The following DNAH9 variants were observed in gnomAD, a reference collection of about 807,000 sequenced individuals.
DNAH9 encodes DNAH9 variant protein.
A neutral mutation model predicts 471.6 loss-of-function variants in DNAH9; 345 were observed. That is an observed-to-expected ratio of 0.73 (90% CI 0.67 to 0.80). The LOEUF is 0.80. DNAH9 is among the 30% of genes least tolerant of loss of function. The pLI is 0.00. For missense variants in DNAH9, 5,407 were observed against 5,609.2 expected, an observed-to-expected ratio of 0.96 and a Z score of 1.15; for synonymous variants, 2,093 against 2,123.6, an observed-to-expected ratio of 0.99 and a Z score of 0.40.
intron 52 of DNAH9, 112 bp downstream of exon 52, chr17:11,871,898 A>C: frequency 2.6e-6 from 3 of 1,145,056 alleles, no homozygotes; most frequent in East Asian, 2.4e-5. Context: ...CATCCCCACC[A>C]CCCCCTGAGC....
Position 11,640,341 on chromosome 17 carries a change from C to T in DNAH9, c.1858C>T (p.Arg620Cys), listed in dbSNP as rs776574643. The T allele has an allele frequency of 9.3e-6, 15 of 1,613,664 alleles. No homozygotes were observed. Among genetic ancestry groups the T allele is most frequent in the Admixed American group, 3.3e-5 (2 of 59,976 alleles). The change falls in exon 10 of 69, where the codon CGC (arginine) becomes TGC (cysteine). Residue 620 changes from arginine (R) to cysteine (C), a missense_variant. Physicochemically the swap from Arg to Cys is radical, Grantham distance 180. Coordinates refer to ENST00000262442, the MANE Select transcript of DNAH9 (RefSeq NM_001372.4). Reference protein sequence around the residue: ...GLRWAQELRQRIQGPFSNFGR... With the variant: ...GLRWAQELRQCIQGPFSNFGR... ...CCGCTGGGCACAGGAGCTGAGGCAG[C>T]GCATCCAGGGTCCTTTCAGCAACTT...
intron 14 of DNAH9, among the ~76,000 whole-genome samples, chr17:11,663,044 C>A (rs1407934909): frequency 6.6e-6 from 1 of 152,150 alleles, no homozygotes; most frequent in South Asian, 2.1e-4. Flanking sequence ...CGTGAGCCAC[C>A]GCGCCCGGCC....
Position 11,929,874 on chromosome 17 carries a change from C to T in DNAH9, c.11886C>T (p.His3962=), listed in dbSNP as rs1212012768. 1.2e-6 allele frequency: 2 copies of T among 1,613,274 alleles called. No homozygotes were observed. Among genetic ancestry groups the T allele is most frequent in the Non-Finnish European group, 1.7e-6 (2 of 1,179,704 alleles). Residue 3962 remains histidine (H), a synonymous_variant, in exon 63 of 69, where the codon CAC becomes CAT. Transcript: ENST00000262442. ...TCCTTCCTTCCCACTAGAACATTCA[C>T]CTGGTGGCCAAGTGGCTCAGCACCC... The part of the protein sequence containing the change: ...KGHWVILQNI[H]LVAKWLSTLE...
chr17:11,956,789 G>A (rs903703554), intron 67 of DNAH9, among the ~76,000 whole-genome samples: 13 of 151,840 alleles, frequency 8.6e-5, no homozygotes, highest in African/African-American at 2.9e-4. Flanking sequence ...AGAACTTAGA[G>A]GGAAATGTAT....
intron 62 of DNAH9, among the ~76,000 whole-genome samples, chr17:11,928,245 A>G (rs2151033028): frequency 6.6e-6 from 1 of 152,256 alleles, no homozygotes; most frequent in East Asian, 1.9e-4. Context: ...TGCTGGGATT[A>G]CATATGTGAG....
chr17:11,669,502 C>T lies in DNAH9; in HGVS notation c.3061C>T (p.Arg1021Trp), dbSNP rs751958230. The T allele has an allele frequency of 2.0e-5, 33 of 1,613,894 alleles. No homozygotes were observed. The highest frequency in any genetic ancestry group is 1.5e-4 in the South Asian group (14 of 91,072). The change falls in exon 17 of 69, where the codon CGG becomes TGG. Residue 1021 changes from arginine to tryptophan, a missense_variant. By Grantham distance (101) the Arg-to-Trp change is moderately radical. Around this residue, in one of 3 missense-constraint regions of DNAH9, gnomAD observed 4,636 missense variants for 4,900.3 expected, o/e 0.95. Coordinates refer to ENST00000262442, the MANE Select transcript of DNAH9 (RefSeq NM_001372.4). ...SQYSYLYVED[R>W]KEVLGQFLLY... ...GTATTCGTACCTCTATGTGGAGGACCGGAAGGAGGTTCTGGGTCAGTTTCT... is the reference window on the plus strand; with the variant it reads ...GTATTCGTACCTCTATGTGGAGGACTGGAAGGAGGTTCTGGGTCAGTTTCT...
intron 38 of DNAH9, among the ~76,000 whole-genome samples, chr17:11,774,835 C>A (rs960798341): frequency 7.9e-5 from 12 of 151,702 alleles, no homozygotes. Context: ...AATCTTTTTA[C>A]ATTTTTTCTT....
chr17:11,790,332 A>G (rs1969019341), intron 41 of DNAH9, among the ~76,000 whole-genome samples: 1 of 151,992 alleles, frequency 6.6e-6, no homozygotes, highest in Admixed American at 6.5e-5. Flanking sequence ...TTCACTTTAT[A>G]TATTTTGAAA....
At chr17:11,727,359 A>G (rs1311774464) in intron 27 of DNAH9, among the ~76,000 whole-genome samples, 1 of 152,126 alleles carries the variant, frequency 6.6e-6, no homozygotes, top group Non-Finnish European at 1.5e-5. Flanking sequence ...TTTTTTTAAC[A>G]GATGTTATCA....
intron 36 of DNAH9, among the ~76,000 whole-genome samples, chr17:11,766,792 A>G (rs150045844): frequency 2.0e-5 from 3 of 152,172 alleles, no homozygotes; most frequent in East Asian, 1.9e-4. Context: ...GTGAAACCCC[A>G]TCTCTACTAA....
chr17:11,774,301 A>C (rs1968335064), intron 38 of DNAH9, among the ~76,000 whole-genome samples: 1 of 152,202 alleles, frequency 6.6e-6, no homozygotes, highest in Non-Finnish European at 1.5e-5. Flanking sequence ...ATAGTGTTGC[A>C]TACTTAAACT....
Position 11,689,566 on chromosome 17 carries a change from G to A in DNAH9, c.3744G>A (p.Arg1248=), listed in dbSNP as rs1483827353. The A allele has an allele frequency of 6.2e-7, 1 of 1,609,434 alleles. No individual in the cohort carries two copies. Among genetic ancestry groups the A allele is most frequent in the South Asian group, 1.1e-5 (1 of 90,300 alleles). Residue 1248 remains arginine, a splice_region_variant and synonymous_variant, in exon 20 of 69, where the codon AGG becomes AGA. Coordinates refer to ENST00000262442, the MANE Select transcript of DNAH9 (RefSeq NM_001372.4). ...CAAAGGAACACACTGTGTTTTGTAG[G>A]TTTGATAGCATCCACCCTCATCAAA... is the stretch of plus-strand genomic sequence containing the variant. ...WEQFHKEAPF[R]FDSIHPHQML...
chr17:11,868,034 T>G (rs1304755208), intron 50 of DNAH9, among the ~76,000 whole-genome samples: 2 of 152,206 alleles, frequency 1.3e-5, no homozygotes, highest in Admixed American at 6.5e-5. Flanking sequence ...AGTTGTCACG[T>G]CCTCTGCCCT....
chr17:11,664,224 A>G (rs185985083), intron 14 of DNAH9, among the ~76,000 whole-genome samples: 44 of 152,074 alleles, frequency 2.9e-4, no homozygotes, highest in African/African-American at 1.0e-3. Context: ...TTGGATGCCA[A>G]TAGGTCAAGA....
At chr17:11,750,267 C>T (rs552487368) in intron 32 of DNAH9, among the ~76,000 whole-genome samples, 1 of 150,734 alleles carries the variant, frequency 6.6e-6, no homozygotes, top group African/African-American at 2.4e-5. Context: ...GACCCCATGT[C>T]TACCAAAAAA....
rs1167815602 is a variant in DNAH9, at chr17:11,769,119, C to T, written c.7345-3C>T. On this transcript the variant is annotated splice_polypyrimidine_tract_variant and splice_region_variant and intron_variant, in intron 37 of 68. Coordinates refer to ENST00000262442, the MANE Select transcript of DNAH9 (RefSeq NM_001372.4). ...TGGCAGGCTTATTGTGCTCCCATTC[C>T]AGGCGTGTTTGGTGCACACGAGTGA... The T allele has an allele frequency of 6.2e-7, 1 of 1,614,144 alleles. No homozygotes were observed. The highest frequency in any genetic ancestry group is 8.5e-7 in the Non-Finnish European group (1 of 1,180,008).
At chr17:11,629,339 A>G in intron 6 of DNAH9, 78 bp from the exon 7 acceptor site, 7 of 1,176,914 alleles carry the variant, frequency 5.9e-6, no homozygotes, top group Non-Finnish European at 8.7e-6. Flanking sequence ...ATGAGTGAGA[A>G]CATGCGGTGT....
Position 11,964,861 on chromosome 17 carries a change from C to A in DNAH9, c.13233+2605C>A, listed in dbSNP as rs1034515963. ...TTCAAAGCCCTGTTCCCCACCCCCC[C>A]ACAAAAAAACTGTCATTATTTTGCC... On this transcript the variant is annotated intron_variant, in intron 68 of 68. Coordinates refer to ENST00000262442, the MANE Select transcript of DNAH9 (RefSeq NM_001372.4). Among the ~76,000 whole-genome samples the A allele has an allele frequency of 5.9e-5, 9 of 152,020 alleles. No homozygotes were observed. In the South Asian group the frequency reaches 1.0e-3, roughly 18 times the overall value.
rs1176231384 is a variant in DNAH9, at chr17:11,712,069, T to A, written c.5552+6884T>A. Among the ~76,000 whole-genome samples the A allele has an allele frequency of 7.1e-3, 44 of 6,202 alleles. 18 individuals are homozygous for A. The highest frequency in any genetic ancestry group is 0.013 in the Admixed American group (3 of 236). The allele number at this position is 6,202 out of a possible 152,430, so 4.1% of individuals were successfully genotyped here. A position where few individuals can be genotyped will look rare whatever the true frequency, so the allele number is the denominator to read the frequency against. The stretch of plus-strand genomic sequence containing the variant: ...TTATATATAAATATATATATTTGTA[T>A]ATATATAAATATATTTGTATATATA... On this transcript the variant is annotated intron_variant, in intron 26 of 68. Transcript: ENST00000262442.
Sources: allele counts gnomAD v4.1 joint callset (sites outside exome capture counted in the v4.1 genomes callset), GRCh38; gene constraint gnomAD v4.1.1; regional missense constraint gnomAD v4.1.1; transcripts MANE v1.5; gene names NCBI Gene and HGNC (gene_info 2026-07-23, HGNC 2026-07-21).